CAMTA1: variants seen among roughly 807,000 people sequenced by gnomAD.
The protein encoded by CAMTA1 is calmodulin binding transcription activator 1.
A neutral mutation model predicts 170.9 loss-of-function variants in CAMTA1; 27 were observed. The observed-to-expected ratio is 0.16, with a 90% confidence interval of 0.12 to 0.22. CAMTA1 has a LOEUF of 0.22. Ranked by LOEUF, CAMTA1 falls within the 10% of genes least tolerant of loss-of-function variation. The pLI is 1.00. For synonymous variants in CAMTA1, 833 were observed against 891.5 expected, an observed-to-expected ratio of 0.93 and a Z score of 1.17; for missense variants, 1,619 against 2,217.2, an observed-to-expected ratio of 0.73 and a Z score of 5.42.
chr1:6,875,110 C>T (rs1012703045), intron 3 of CAMTA1, among the ~76,000 whole-genome samples: 1 of 152,106 alleles, frequency 6.6e-6, no homozygotes, highest in Non-Finnish European at 1.5e-5. Flanking sequence ...ATAAATTCAC[C>T]CAGGCTCACA....
At chr1:7,718,554 CTTTTTT>C (rs34752156) in intron 11 of CAMTA1, among the ~76,000 whole-genome samples, 2 of 123,566 alleles carry the variant, frequency 1.6e-5, no homozygotes. Context: ...CATTACAGCA[CTTTTTT>C]TTTTTTTTTT....
intron 4 of CAMTA1, among the ~76,000 whole-genome samples, chr1:7,225,169 C>G (rs188486360): frequency 5.3e-5 from 8 of 152,146 alleles, no homozygotes. Context: ...ACTGCAAGCT[C>G]TGCCTCCCGG....
At chr1:7,398,120 ATCTC>A (rs900524214) in intron 5 of CAMTA1, among the ~76,000 whole-genome samples, 1 of 122,378 alleles carries the variant, frequency 8.2e-6, no homozygotes, top group African/African-American at 3.0e-5. Context: ...ATTGCAATCT[ATCTC>A]TTCCTTCAGA....
intron 4 of CAMTA1, among the ~76,000 whole-genome samples, chr1:7,203,578 T>C (rs1411820520): frequency 6.6e-6 from 1 of 151,360 alleles, no homozygotes; most frequent in Non-Finnish European, 1.5e-5. Flanking sequence ...TTTTCTTGAG[T>C]CAGTTTTAGT....
rs1673702537 is a variant in CAMTA1 at position 6,888,056 on chromosome 1, G to A, written c.234+62846G>A. 1.1e-5 allele frequency: 12 copies of A among 1,083,248 alleles called. 1 individual carries two copies. The East Asian group carries it at 2.6e-4, about 24-fold the overall frequency. 67.1% of individuals were successfully genotyped at this position (1,083,248 alleles called of 1,614,324 possible). A position where few individuals can be genotyped will look rare whatever the true frequency, so the allele number is the denominator to read the frequency against. ...TTTTCTTCCTAGCACCTGCCCCAGC[G>A]GTGGTATGTTTTCCAGTCAGTTACC... is the stretch of plus-strand genomic sequence containing the variant. On this transcript the variant is annotated intron_variant, in intron 3 of 22. Transcript: ENST00000303635.
At position 7,609,979 on chromosome 1, in the gene CAMTA1, C is replaced by T. The variant is rs371737478; in HGVS notation, c.511-30421C>T. The stretch of plus-strand genomic sequence containing the variant: ...CCAAGTCTCTTTACCTGAAATACAG[C>T]ACCTGCCGGGTCTGTCCACACTGTG... On this transcript the variant is annotated intron_variant, in intron 6 of 22. Transcript: ENST00000303635. This position sits in a 1 kb window ranked among gnomAD's most constrained non-coding sequence, Gnocchi z 4.4. 5.8e-4 allele frequency among the ~76,000 whole-genome samples: 89 copies of T among 152,312 alleles called. No individual in the cohort carries two copies. Among genetic ancestry groups the T allele is most frequent in the African/African-American group, 2.0e-3 (82 of 41,568 alleles).
chr1:7,401,881 C>T lies in CAMTA1; in HGVS notation c.439-65949C>T, dbSNP rs139761858. On this transcript the variant is annotated intron_variant, in intron 5 of 22. Coordinates refer to ENST00000303635, the MANE Select transcript of CAMTA1 (RefSeq NM_015215.4). Reference sequence around the variant, plus strand: ...CAGCTCTATGCTTCCCACTCCCCACCCTCTAGGCTGTTTCCTTAGCAGCAG... The same window carrying T: ...CAGCTCTATGCTTCCCACTCCCCACTCTCTAGGCTGTTTCCTTAGCAGCAG... Among the ~76,000 whole-genome samples the T allele has an allele frequency of 9.7e-3, 1,474 of 152,250 alleles. 24 individuals are homozygous for T. The highest frequency in any genetic ancestry group is 0.032 in the African/African-American group (1,339 of 41,534).
intron 3 of CAMTA1, among the ~76,000 whole-genome samples, chr1:6,883,773 C>T (rs920593526): frequency 6.6e-6 from 1 of 152,020 alleles, no homozygotes; most frequent in African/African-American, 2.4e-5. Flanking sequence ...CTCTGCTGTA[C>T]AGTAGCAGTG....
chr1:7,089,532 CCCCATCCCATCCCAT>C (rs3058551), intron 3 of CAMTA1, among the ~76,000 whole-genome samples: 19,405 of 119,406 alleles, frequency 0.16, 1,582 homozygotes, highest in East Asian at 0.27. Flanking sequence ...TTTTTCCTAG[CCCCATCCCATCCCAT>C]CCCATCCCAT....
intron 6 of CAMTA1, among the ~76,000 whole-genome samples, chr1:7,575,359 CCAAA>C (rs1450784488): frequency 6.6e-6 from 1 of 152,158 alleles, no homozygotes; most frequent in African/African-American, 2.4e-5. Context: ...ATCACTCCCA[CCAAA>C]CAGAGAGGCA....
chr1:6,937,533 CCATTCACCACTTACCACTACCAT>C (rs1557856136), intron 3 of CAMTA1, among the ~76,000 whole-genome samples: 4 of 127,196 alleles, frequency 3.1e-5, no homozygotes, highest in Non-Finnish European at 5.0e-5. Flanking sequence ...ATCACCATCA[CCATTCACCACTTACCACTACCAT>C]CATCACCATT....
intron 3 of CAMTA1, among the ~76,000 whole-genome samples, chr1:6,844,471 A>G (rs534776265): frequency 6.0e-5 from 9 of 151,138 alleles, no homozygotes; most frequent in African/African-American, 1.9e-4. Flanking sequence ...CAGGAGTTCA[A>G]GACCAGCCTG....
At chr1:6,834,985 C>T (rs375480913) in intron 3 of CAMTA1, among the ~76,000 whole-genome samples, 19 of 152,246 alleles carry the variant, frequency 1.2e-4, no homozygotes, top group African/African-American at 4.1e-4. Flanking sequence ...GTGTAGCCAT[C>T]GCCACTACCT....
intron 5 of CAMTA1, among the ~76,000 whole-genome samples, chr1:7,427,177 T>G (rs957015275): frequency 3.9e-5 from 6 of 152,180 alleles, no homozygotes; most frequent in African/African-American, 1.4e-4. Flanking sequence ...TGGCCATCTT[T>G]GATAAAAAAT....
intron 22 of CAMTA1, among the ~76,000 whole-genome samples, chr1:7,765,843 G>A (rs1269955608): frequency 6.6e-6 from 1 of 152,078 alleles, no homozygotes; most frequent in Non-Finnish European, 1.5e-5. Flanking sequence ...TGGCTAACAT[G>A]GTGAAACCCT....
At chr1:7,699,674 A>G (rs2096417185) in intron 11 of CAMTA1, among the ~76,000 whole-genome samples, 1 of 152,122 alleles carries the variant, frequency 6.6e-6, no homozygotes, top group Non-Finnish European at 1.5e-5. Context: ...ATCCTTGCCA[A>G]CGCTTGTTAT....
chr1:7,593,419 G>C (rs2095369520), intron 6 of CAMTA1, among the ~76,000 whole-genome samples: 1 of 151,872 alleles, frequency 6.6e-6, no homozygotes, highest in Non-Finnish European at 1.5e-5. Context: ...TAAGGCCTGT[G>C]GGCTTTCCTG....
chr1:7,193,954 G>A (rs1227496394), intron 4 of CAMTA1, among the ~76,000 whole-genome samples: 1 of 152,094 alleles, frequency 6.6e-6, no homozygotes, highest in African/African-American at 2.4e-5. Context: ...ACAGAACAGT[G>A]GTAACCTATA....
At chr1:6,947,253 C>T (rs1687718818) in intron 3 of CAMTA1, among the ~76,000 whole-genome samples, 1 of 152,148 alleles carries the variant, frequency 6.6e-6, no homozygotes, top group Non-Finnish European at 1.5e-5. Flanking sequence ...TATGAGTCTT[C>T]CAACTTCTTT....
Sources: gnomAD v4.1 joint callset for allele counts (sites outside exome capture counted in the v4.1 genomes callset) on GRCh38, gnomAD v4.1.1 for gene constraint, Gnocchi (gnomAD v3.1) non-coding constraint, MANE v1.5 for transcripts, NCBI Gene and HGNC (gene_info 2026-07-23, HGNC 2026-07-21) for gene names.